The following PPP1R12B variants were observed in gnomAD, a reference collection of about 807,000 sequenced individuals.
PPP1R12B encodes protein phosphatase 1 regulatory subunit 12B.
A neutral mutation model predicts 126.1 loss-of-function variants in PPP1R12B; 76 were observed. The ratio of observed to expected loss-of-function variants is 0.60; its 90% CI spans 0.50 to 0.73. The LOEUF is 0.73. PPP1R12B is among the 30% of genes least tolerant of loss of function. The probability of loss-of-function intolerance (pLI) is 0.00; values close to 1 mark genes in which losing one functional copy is unlikely to be tolerated. For synonymous variants in PPP1R12B, 356 were observed against 434.7 expected (o/e 0.82, Z 2.25); for missense variants, 1,052 against 1,205.1 (o/e 0.87, Z 1.88).
intron 12 of PPP1R12B, chr1:202,445,132 T>C (rs911017162): frequency 6.4e-6 from 8 of 1,246,940 alleles, no homozygotes; most frequent in African/African-American, 4.7e-5. Context: ...CCCATTACCA[T>C]TGGTTCATCT....
At position 202,581,533 on chromosome 1, in the gene PPP1R12B, T is replaced by C. The variant is rs1689548497; in HGVS notation, c.*973T>C. 6.6e-6 allele frequency: 1 copy of C among 152,106 alleles called. No homozygotes were observed. Among genetic ancestry groups the C allele is most frequent in the Non-Finnish European group, 1.5e-5 (1 of 68,062 alleles). 9.4% of individuals were successfully genotyped at this position (152,106 alleles called of 1,614,324 possible). On this transcript the variant is annotated 3_prime_UTR_variant, in exon 24 of 24. Coordinates refer to ENST00000608999, the MANE Select transcript of PPP1R12B (RefSeq NM_002481.4). ...TGGGCTCTGAATACTCCATTCTGCC[T>C]CACTTCCTTGACCTTGTTTTCCTCT...
chr1:202,351,212 T>TTTG (rs60936070), intron 1 of PPP1R12B, among the ~76,000 whole-genome samples: 47,893 of 146,370 alleles, frequency 0.33, 8,021 homozygotes, highest in Middle Eastern at 0.45. Context: ...TGGAGAAGTT[T>TTTG]TTGTTGTTGT....
rs552903903 is a variant in PPP1R12B, at chr1:202,388,528, T to C, written c.292-28259T>C. On this transcript the variant is annotated intron_variant, in intron 1 of 23. Coordinates refer to ENST00000608999, the MANE Select transcript of PPP1R12B (RefSeq NM_002481.4). Reference sequence around the variant, plus strand: ...GCCTATAAAACTTGTAGGAAGAAAATATAATACTTTATTATAAAGAACATG... The same window carrying C: ...GCCTATAAAACTTGTAGGAAGAAAACATAATACTTTATTATAAAGAACATG... Among the ~76,000 whole-genome samples the C allele has an allele frequency of 2.6e-5, 4 of 152,062 alleles. 1 individual carries two copies. The highest frequency in any genetic ancestry group is 5.9e-5 in the Non-Finnish European group (4 of 68,020).
At chr1:202,498,450 C>T (rs190191236) in intron 18 of PPP1R12B, among the ~76,000 whole-genome samples, 360 of 152,326 alleles carry the variant, frequency 2.4e-3, no homozygotes, top group Non-Finnish European at 4.0e-3. Context: ...TCTCCAGCCT[C>T]GCTAATAGTG....
chr1:202,504,068 T>A (rs1374533308), intron 18 of PPP1R12B, among the ~76,000 whole-genome samples: 4 of 152,142 alleles, frequency 2.6e-5, no homozygotes, highest in African/African-American at 9.7e-5. Context: ...CTCTATTACA[T>A]CTTTGAATAA....
intron 14 of PPP1R12B, 111 bp downstream of exon 14, chr1:202,488,734 C>A: frequency 1.0e-6 from 1 of 963,158 alleles, no homozygotes. Flanking sequence ...AACACACACA[C>A]ACACACACGC....
At chr1:202,395,115 A>AG (rs1491178289) in intron 1 of PPP1R12B, among the ~76,000 whole-genome samples, 2 of 4,924 alleles carry the variant, frequency 4.1e-4, no homozygotes, top group Non-Finnish European at 3.1e-3. Context: ...AGACTCTCTC[A>AG]AAAAAAAAAA....
intron 1 of PPP1R12B, among the ~76,000 whole-genome samples, chr1:202,390,320 T>C (rs763747373): frequency 1.3e-5 from 2 of 152,198 alleles, no homozygotes; most frequent in Non-Finnish European, 2.9e-5. Context: ...TATAAATCTC[T>C]TAGATGAAAA....
chr1:202,413,615 A>G (rs1667677943), intron 1 of PPP1R12B, among the ~76,000 whole-genome samples: 1 of 152,214 alleles, frequency 6.6e-6, no homozygotes, highest in Admixed American at 6.5e-5. Flanking sequence ...ATTATACGTT[A>G]CTAAGAAATT....
intron 1 of PPP1R12B, among the ~76,000 whole-genome samples, chr1:202,396,668 G>A (rs1224213232): frequency 3.3e-5 from 5 of 152,096 alleles, no homozygotes; most frequent in South Asian, 2.1e-4. Context: ...GTGCAGTGTC[G>A]CACTGCAAGG....
chr1:202,389,703 G>C (rs1054279925), intron 1 of PPP1R12B, among the ~76,000 whole-genome samples: 6 of 152,052 alleles, frequency 3.9e-5, no homozygotes, highest in African/African-American at 1.4e-4. Flanking sequence ...GCCAAGGCGG[G>C]AAATCACGAG....
In PPP1R12B at chr1:202,474,057, T is replaced by C. The variant is rs1676306738; in HGVS notation, c.1851-14476T>C. The C allele has an allele frequency of 1.3e-5, 6 of 477,676 alleles. No individual in the cohort carries two copies. In the Admixed American group the frequency reaches 1.4e-4, roughly 11 times the overall value. The allele number at this position is 477,676 out of a possible 1,614,324, so 29.6% of individuals were successfully genotyped here. ...GACAGCAGAGTATAAATGCTGCAGT[T>C]GGGAAAAAGTAGCTCTAAAGTGTGC... On this transcript the variant is annotated intron_variant, in intron 13 of 23. Coordinates refer to ENST00000608999, the MANE Select transcript of PPP1R12B (RefSeq NM_002481.4).
chr1:202,466,476 A>G (rs1174782292), intron 13 of PPP1R12B, among the ~76,000 whole-genome samples: 1 of 150,864 alleles, frequency 6.6e-6, no homozygotes, highest in African/African-American at 2.4e-5. Context: ...TTTTCTGTAA[A>G]CACCTTAGGC....
In PPP1R12B at chr1:202,588,779, G is replaced by C. The variant is rs900906003; in HGVS notation, c.*8219G>C. On this transcript the variant is annotated 3_prime_UTR_variant, in exon 24 of 24. Transcript: ENST00000608999. ...GTAGTATCAAGGAATTTCCTAAATG[G>C]AGTCAGGCCAAGGAGAAGCCTAGAT... The C allele has an allele frequency of 1.3e-5, 2 of 151,974 alleles. No homozygotes were observed. The highest frequency in any genetic ancestry group is 2.9e-5 in the Non-Finnish European group (2 of 68,022). 9.4% of individuals were successfully genotyped at this position (151,974 alleles called of 1,614,324 possible). A position where few individuals can be genotyped will look rare whatever the true frequency, so the allele number is the denominator to read the frequency against.
chr1:202,406,383 A>G (rs1414660888), intron 1 of PPP1R12B, among the ~76,000 whole-genome samples: 1 of 152,230 alleles, frequency 6.6e-6, no homozygotes, highest in Non-Finnish European at 1.5e-5. Flanking sequence ...ACCAACTCAA[A>G]TTGACCAATT....
At chr1:202,559,011 C>T (rs1313913556) in intron 19 of PPP1R12B, 118 bp downstream of exon 19, 1 of 1,062,564 alleles carries the variant, frequency 9.4e-7, no homozygotes, top group African/African-American at 1.7e-5. Context: ...CCATCCTTTT[C>T]ATTTCCACAG....
rs1325883105 is a variant in PPP1R12B, at chr1:202,585,841, C to G, written c.*5281C>G. The G allele has an allele frequency of 6.6e-6, 1 of 152,190 alleles. No homozygotes were observed. The highest frequency in any genetic ancestry group is 1.9e-4 in the East Asian group (1 of 5,202). 9.4% of individuals were successfully genotyped at this position (152,190 alleles called of 1,614,324 possible). On this transcript the variant is annotated 3_prime_UTR_variant, in exon 24 of 24. Transcript: ENST00000608999. ...GAAATGGATAGAAAGCAATTTGTTGCAGGCAGCCTTTGGACAAGTTGTTTT... is the reference window on the plus strand; with the variant it reads ...GAAATGGATAGAAAGCAATTTGTTGGAGGCAGCCTTTGGACAAGTTGTTTT...
chr1:202,552,820 C>T (rs1686459046), intron 18 of PPP1R12B, among the ~76,000 whole-genome samples: 1 of 152,204 alleles, frequency 6.6e-6, no homozygotes, highest in African/African-American at 2.4e-5. Context: ...GTGACTTGGT[C>T]TCATTCCTTT....
In PPP1R12B at chr1:202,431,038, CTG is replaced by C. The variant is rs540539211; in HGVS notation, c.1001+233_1001+234del. Among the ~76,000 whole-genome samples the C allele has an allele frequency of 5.3e-5, 8 of 152,328 alleles. No homozygotes were observed. The South Asian group carries it at 1.2e-3, about 24-fold the overall frequency. ...TTTTAAACTTCAGAATTAATTGAGA[CTG>C]TGTGCAGCATTTTAAAATCCTGGCT... On this transcript the variant is annotated intron_variant, in intron 7 of 23. Transcript: ENST00000608999.
Sources: allele counts gnomAD v4.1 joint callset (sites outside exome capture counted in the v4.1 genomes callset), GRCh38; gene constraint gnomAD v4.1.1; transcripts MANE v1.5; gene names NCBI Gene and HGNC (gene_info 2026-07-23, HGNC 2026-07-21).